AUTS2: variants seen among roughly 807,000 people sequenced by gnomAD.
AUTS2 encodes activator of transcription and developmental regulator AUTS2.
A neutral mutation model predicts 112.4 loss-of-function variants in AUTS2; 17 were observed. That is an observed-to-expected ratio of 0.15 (90% confidence interval 0.10 to 0.23). AUTS2 has a LOEUF of 0.23. AUTS2 is among the 10% of genes least tolerant of loss of function. The pLI is 1.00. For synonymous variants in AUTS2, 751 were observed against 702.7 expected, an observed-to-expected ratio of 1.07 and a Z score of -1.09; for missense variants, 1,510 against 1,701.6, an observed-to-expected ratio of 0.89 and a Z score of 1.98.
At chr7:70,658,176 C>A (rs1279983005) in intron 5 of AUTS2, among the ~76,000 whole-genome samples, 1 of 152,216 alleles carries the variant, frequency 6.6e-6, no homozygotes, top group African/African-American at 2.4e-5. Flanking sequence ...TAGGTACCTA[C>A]TATGGACCTG....
At chr7:70,176,498 C>T (rs1285984224) in intron 4 of AUTS2, among the ~76,000 whole-genome samples, 1 of 152,188 alleles carries the variant, frequency 6.6e-6, no homozygotes. Flanking sequence ...AAACAACTGT[C>T]AACTGTTTTT....
intron 4 of AUTS2, among the ~76,000 whole-genome samples, chr7:70,288,063 A>T (rs1198433346): frequency 2.0e-5 from 3 of 152,138 alleles, no homozygotes; most frequent in Non-Finnish European, 4.4e-5. Context: ...GGGGGAAAAA[A>T]ACTAAAGGCT....
chr7:70,025,861 A>G (rs1225325477), intron 2 of AUTS2, among the ~76,000 whole-genome samples: 1 of 148,032 alleles, frequency 6.8e-6, no homozygotes, highest in Non-Finnish European at 1.5e-5. Flanking sequence ...TGGAGAGCTT[A>G]TTGTTGTTCC....
At chr7:69,982,030 A>G (rs149260781) in intron 2 of AUTS2, among the ~76,000 whole-genome samples, 5 of 152,340 alleles carry the variant, frequency 3.3e-5, no homozygotes, top group East Asian at 1.9e-4. Context: ...TTTCTTAAGG[A>G]CAAGGACTCG....
intron 6 of AUTS2, among the ~76,000 whole-genome samples, chr7:70,761,630 G>A (rs754897240): frequency 2.6e-5 from 4 of 152,232 alleles, no homozygotes; most frequent in South Asian, 2.1e-4. Context: ...CTGGTCTTTC[G>A]TTATTCTGTT....
intron 4 of AUTS2, among the ~76,000 whole-genome samples, chr7:70,335,749 G>C (rs1790959549): frequency 6.6e-6 from 1 of 152,196 alleles, no homozygotes; most frequent in African/African-American, 2.4e-5. Flanking sequence ...TGACTTCTAA[G>C]TTTTTTCCAA....
At chr7:70,610,505 G>A (rs1429844808) in intron 5 of AUTS2, among the ~76,000 whole-genome samples, 5 of 136,880 alleles carry the variant, frequency 3.7e-5, no homozygotes, top group Non-Finnish European at 7.6e-5. Flanking sequence ...GTGTGGTCAT[G>A]GCTCACTGCA....
intron 5 of AUTS2, among the ~76,000 whole-genome samples, chr7:70,536,934 A>T (rs1193241641): frequency 1.3e-5 from 2 of 152,130 alleles, no homozygotes; most frequent in African/African-American, 4.8e-5. Flanking sequence ...CAAAAGTAAT[A>T]ACAGGAAGGA....
At chr7:69,922,274 T>C (rs1263929541) in intron 2 of AUTS2, among the ~76,000 whole-genome samples, 2 of 152,208 alleles carry the variant, frequency 1.3e-5, no homozygotes, top group Non-Finnish European at 2.9e-5. Context: ...GCTGTCCTTT[T>C]TCTACTCCTT....
chr7:69,689,364 T>A (rs1322667352), intron 1 of AUTS2, among the ~76,000 whole-genome samples: 3 of 133,672 alleles, frequency 2.2e-5, no homozygotes, highest in South Asian at 2.3e-4. Flanking sequence ...TTTTTTTTTT[T>A]TTTTGAGACG....
At chr7:69,843,087 A>T (rs1288767393) in intron 1 of AUTS2, among the ~76,000 whole-genome samples, 1 of 152,144 alleles carries the variant, frequency 6.6e-6, no homozygotes, top group East Asian at 1.9e-4. Context: ...ACTCAGTGAC[A>T]GGTGACTCTG....
chr7:70,738,078 G>A (rs941810830), intron 6 of AUTS2, among the ~76,000 whole-genome samples: 35 of 152,104 alleles, frequency 2.3e-4, no homozygotes, highest in African/African-American at 6.8e-4. Context: ...AGGTATGGCC[G>A]GGTTTTCCTG....
At chr7:69,741,032 T>C (rs772744987) in intron 1 of AUTS2, among the ~76,000 whole-genome samples, 8 of 152,168 alleles carry the variant, frequency 5.3e-5, no homozygotes, top group Admixed American at 1.3e-4. Context: ...AAGATTTCCT[T>C]TGGAGAGGCC....
At chr7:70,600,569 C>G (rs985704932) in intron 5 of AUTS2, among the ~76,000 whole-genome samples, 1 of 152,234 alleles carries the variant, frequency 6.6e-6, no homozygotes, top group East Asian at 1.9e-4. Flanking sequence ...GGCCACCGCG[C>G]CCGGCCCAAT....
chr7:69,627,165 C>G (rs1793993218), intron 1 of AUTS2, among the ~76,000 whole-genome samples: 1 of 152,096 alleles, frequency 6.6e-6, no homozygotes, highest in Non-Finnish European at 1.5e-5. Flanking sequence ...GCCCTGTCCC[C>G]AAAGACACAT....
rs112575095 is a variant in AUTS2, at chr7:70,253,772, A to G, written c.660+119201A>G. Among the ~76,000 whole-genome samples the G allele has an allele frequency of 1.6e-3, 250 of 152,120 alleles. 6 individuals are homozygous for G. The highest frequency in any genetic ancestry group is 5.7e-3 in the African/African-American group (236 of 41,526). ...AAGAGATTTTTTTTTTCTGCCGGCAATACTATTTGAGATGAGAAATTTTCA... is the reference window on the plus strand; with the variant it reads ...AAGAGATTTTTTTTTTCTGCCGGCAGTACTATTTGAGATGAGAAATTTTCA... On this transcript the variant is annotated intron_variant, in intron 4 of 18. Transcript: ENST00000342771.
intron 1 of AUTS2, among the ~76,000 whole-genome samples, chr7:69,695,501 A>T (rs986711323): frequency 6.6e-6 from 1 of 152,182 alleles, no homozygotes; most frequent in Non-Finnish European, 1.5e-5. Context: ...CAGATATTTG[A>T]TTAGGGGTAG....
intron 2 of AUTS2, among the ~76,000 whole-genome samples, chr7:69,953,091 C>T (rs1394165323): frequency 6.6e-6 from 1 of 152,154 alleles, no homozygotes; most frequent in Non-Finnish European, 1.5e-5. Context: ...GGTTCATGTG[C>T]TTTATTTACA....
At chr7:70,740,669 T>C (rs1788047972) in intron 6 of AUTS2, among the ~76,000 whole-genome samples, 1 of 152,236 alleles carries the variant, frequency 6.6e-6, no homozygotes, top group South Asian at 2.1e-4. Flanking sequence ...TCAATATTTA[T>C]CGTACTTATT....
Sources: gnomAD v4.1 joint callset for allele counts (sites outside exome capture counted in the v4.1 genomes callset) on GRCh38, gnomAD v4.1.1 for gene constraint, MANE v1.5 for transcripts, NCBI Gene and HGNC (gene_info 2026-07-23, HGNC 2026-07-21) for gene names.